The following KYAT3 variants were observed in gnomAD, a reference collection of about 807,000 sequenced individuals.
KYAT3 encodes kynurenine aminotransferase 3.
In KYAT3, 50 loss-of-function variants were observed where a neutral mutation model predicts 59.0. That is an observed-to-expected ratio of 0.85 (90% CI 0.68 to 1.07). KYAT3 has a LOEUF of 1.07. Ranked by LOEUF, KYAT3 falls within the 50% of genes least tolerant of loss-of-function variation. The probability of loss-of-function intolerance (pLI) is 0.00; values close to 1 mark genes in which losing one functional copy is unlikely to be tolerated. For missense variants in KYAT3, 497 were observed against 533.3 expected, an observed-to-expected ratio of 0.93 and a Z score of 0.67; for synonymous variants, 148 against 177.0, an observed-to-expected ratio of 0.84 and a Z score of 1.30.
chr1:88,954,028 A>G (rs957500248), intron 9 of KYAT3, among the ~76,000 whole-genome samples: 2 of 151,862 alleles, frequency 1.3e-5, no homozygotes, highest in Admixed American at 1.3e-4. Flanking sequence ...CAGCCTCCCA[A>G]GTAGCTGGGA....
chr1:88,988,202 G>T, intron 2 of KYAT3, 50 bp downstream of exon 2: 1 of 1,156,520 alleles, frequency 8.6e-7, no homozygotes, highest in Non-Finnish European at 1.3e-6. Flanking sequence ...ATATTTTTTG[G>T]ACAGTGCAGA....
chr1:88,965,748 C>T (rs578111397), intron 4 of KYAT3, among the ~76,000 whole-genome samples: 291 of 151,970 alleles, frequency 1.9e-3, no homozygotes, highest in African/African-American at 6.3e-3. Context: ...CAGCATCTAC[C>T]TCCTCATTTT....
At chr1:88,992,649 G>A (rs1319335402), upstream of KYAT3, 5 of 152,922 alleles carry the variant, frequency 3.3e-5, no homozygotes, top group Middle Eastern at 3.4e-3. Flanking sequence ...GGCCCGGCTG[G>A]GCGGGATTCG....
the KYAT3 span, among the ~76,000 whole-genome samples, chr1:88,929,069 G>A: frequency 2.0e-5 from 3 of 151,964 alleles, no homozygotes; most frequent in Non-Finnish European, 4.4e-5. Context: ...CAATATGGAC[G>A]AGCAAAGAAT....
intron 2 of KYAT3, among the ~76,000 whole-genome samples, chr1:88,972,362 T>A (rs1676585778): frequency 6.6e-6 from 1 of 152,262 alleles, no homozygotes; most frequent in Non-Finnish European, 1.5e-5. Context: ...AATATCTGGG[T>A]ACCAGGGCAT....
chr1:88,933,092 C>A (rs1674942032), downstream of KYAT3, among the ~76,000 whole-genome samples: 1 of 152,174 alleles, frequency 6.6e-6, no homozygotes, highest in Non-Finnish European at 1.5e-5. Context: ...CATGTCCCCT[C>A]CATAAGACCT....
chr1:88,951,648 A>T (rs1675680391), intron 10 of KYAT3, among the ~76,000 whole-genome samples: 1 of 151,070 alleles, frequency 6.6e-6, no homozygotes, highest in Admixed American at 6.6e-5. Context: ...AAAAATATTA[A>T]ATATTAAATA....
intron 10 of KYAT3, among the ~76,000 whole-genome samples, chr1:88,951,173 A>T (rs1675654901): frequency 6.6e-6 from 1 of 151,848 alleles, no homozygotes; most frequent in South Asian, 2.1e-4. Context: ...GGAGCTTTAT[A>T]TCCTTCCTCT....
chr1:88,983,543 C>A, intron 2 of KYAT3: 5 of 1,614,208 alleles, frequency 3.1e-6, no homozygotes, highest in Non-Finnish European at 4.2e-6. Context: ...TGGGGGCGGT[C>A]CATGTCTACC....
chr1:88,983,810 C>A (rs768543094), intron 2 of KYAT3: 1 of 1,613,862 alleles, frequency 6.2e-7, no homozygotes, highest in African/African-American at 1.3e-5. Flanking sequence ...CTTTCCTGGG[C>A]GATCTGCTTC....
At chr1:88,956,556 A>G (rs957344765) in intron 8 of KYAT3, among the ~76,000 whole-genome samples, 2 of 152,190 alleles carry the variant, frequency 1.3e-5, no homozygotes, top group African/African-American at 4.8e-5. Context: ...GCCACATACA[A>G]TGACAACTGT....
At chr1:88,942,585 C>T (rs916298813) in intron 13 of KYAT3, among the ~76,000 whole-genome samples, 5 of 151,320 alleles carry the variant, frequency 3.3e-5, no homozygotes, top group South Asian at 2.1e-4. Context: ...TTTTTTGAGA[C>T]GGAGTCGCGC....
chr1:88,972,205 C>A (rs184146271), intron 2 of KYAT3, among the ~76,000 whole-genome samples: 46 of 152,284 alleles, frequency 3.0e-4, no homozygotes, highest in African/African-American at 1.1e-3. Context: ...TCCTTGAGGA[C>A]CTCAGTCTTT....
At chr1:88,938,435 A>C (rs1675118319) in intron 13 of KYAT3, among the ~76,000 whole-genome samples, 1 of 152,142 alleles carries the variant, frequency 6.6e-6, no homozygotes, top group Admixed American at 6.6e-5. Flanking sequence ...TTACATAGGT[A>C]GACTCATGTC....
chr1:88,934,528 C>G (rs768896899), downstream of KYAT3, among the ~76,000 whole-genome samples: 7 of 152,110 alleles, frequency 4.6e-5, no homozygotes, highest in Non-Finnish European at 8.8e-5. Context: ...AGACTTATGT[C>G]TAGTTCGTGT....
intron 11 of KYAT3, among the ~76,000 whole-genome samples, chr1:88,944,970 A>G (rs1675381234): frequency 6.6e-6 from 1 of 152,000 alleles, no homozygotes; most frequent in Admixed American, 6.6e-5. Context: ...TAGCCTCCTG[A>G]GTAGCTAGGA....
At chr1:88,942,861 C>A (rs1464924727) in intron 13 of KYAT3, 144 bp downstream of exon 13, 2 of 654,748 alleles carry the variant, frequency 3.1e-6, no homozygotes, top group Admixed American at 2.5e-5. Context: ...CACGCCCAGC[C>A]AGTAAGCAGT....
At chr1:88,980,476 T>C (rs1437494328) in intron 2 of KYAT3, 1 of 152,426 alleles carries the variant, frequency 6.6e-6, no homozygotes. Context: ...ATACAAAACA[T>C]TCCAAAAAGT....
the KYAT3 span, among the ~76,000 whole-genome samples, chr1:88,929,875 G>C: frequency 6.6e-6 from 1 of 152,198 alleles, no homozygotes; most frequent in East Asian, 1.9e-4. Context: ...GGTTTCCCAG[G>C]TACGGCGAAA....
Sources: gnomAD v4.1 joint callset for allele counts (sites outside exome capture counted in the v4.1 genomes callset) on GRCh38, gnomAD v4.1.1 for gene constraint, MANE v1.5 for transcripts, NCBI Gene and HGNC (gene_info 2026-07-23, HGNC 2026-07-21) for gene names.